Variants in POMT1 observed in about 807,000 individuals in gnomAD.
POMT1 encodes protein O-mannosyl-transferase 1.
A neutral mutation model predicts 101.6 loss-of-function variants in POMT1; 85 were observed. The observed-to-expected ratio is 0.84, with a 90% confidence interval of 0.70 to 1.00. The LOEUF (loss-of-function observed/expected upper bound fraction) is 1.00, where lower values mean the gene tolerates loss of function less well. Among genes scored for constraint, POMT1 ranks in the 50% least tolerant of loss-of-function variants. POMT1 has a pLI of 0.00. For synonymous variants in POMT1, 371 were observed against 383.0 expected, an observed-to-expected ratio of 0.97 and a Z score of 0.37; for missense variants, 857 against 930.4, an observed-to-expected ratio of 0.92 and a Z score of 1.03.
At chr9:131,504,541 T>A (rs1945295825) in intron 2 of POMT1, among the ~76,000 whole-genome samples, 2 of 151,972 alleles carry the variant, frequency 1.3e-5, no homozygotes, top group Non-Finnish European at 2.9e-5. Flanking sequence ...TCTGAGTCTG[T>A]AACAGGTGAA....
chr9:131,522,192 G>C lies in POMT1; in HGVS notation c.1971G>C (p.Val657=). 6.2e-7 allele frequency: 1 copy of C among 1,614,062 alleles called. No homozygotes were observed. The highest frequency in any genetic ancestry group is 8.5e-7 in the Non-Finnish European group (1 of 1,180,042). Residue 657 remains valine, a synonymous_variant, in exon 19 of 20, where the codon GTG becomes GTC. Coordinates refer to ENST00000402686, the MANE Select transcript of POMT1 (RefSeq NM_001077365.2). The surrounding 1 kb of genome is among the most constrained non-coding windows in gnomAD (Gnocchi z 5.5). ...CCTTCCAAATCCTTCTGCTCCCTGT[G>C]GTCCTGCAGCACATCAGCGACCACC... is the stretch of plus-strand genomic sequence containing the variant. The part of the protein sequence containing the change: ...ALTFQILLLP[V]VLQHISDHLC...
rs1164733103 is a variant in POMT1, at chr9:131,522,340, TCCTCCGGGTC to T, written c.2003+125_2003+134del. 2.0e-6 allele frequency: 3 copies of T among 1,533,470 alleles called. No homozygotes were observed. Among genetic ancestry groups the T allele is most frequent in the East Asian group, 4.8e-5 (2 of 41,416 alleles). 95.0% of individuals were successfully genotyped at this position (1,533,470 alleles called of 1,614,324 possible). The stretch of plus-strand genomic sequence containing the variant: ...TCACCCATTTCACGTTACACTGACA[TCCTCCGGGTC>T]CCTCCGGGGAATGGGTGAGGTTCAG... On this transcript the variant is annotated intron_variant, in intron 19 of 19. Coordinates refer to ENST00000402686, the MANE Select transcript of POMT1 (RefSeq NM_001077365.2). This position sits in a 1 kb window ranked among gnomAD's most constrained non-coding sequence, Gnocchi z 5.5.
intron 14 of POMT1, 117 bp from the exon 15 acceptor site, chr9:131,518,720 C>T (rs1272446820): frequency 3.2e-6 from 5 of 1,548,584 alleles, no homozygotes; most frequent in Non-Finnish European, 8.9e-7. Flanking sequence ...ATGTGAATCT[C>T]CCACAAGGGG....
rs3780259 is a variant in POMT1 at position 131,510,590 on chromosome 9, G to A, written c.855+175G>A. ...AGTCTTACTCTGTCACCCAAACTCC[G>A]CCTCCTGGCTTCAAGCGATTCTCCT... On this transcript the variant is annotated intron_variant, in intron 9 of 19. Coordinates refer to ENST00000402686, the MANE Select transcript of POMT1 (RefSeq NM_001077365.2). 0.93 allele frequency: 811,805 copies of A among 871,616 alleles called. 379,939 individuals are homozygous for A. Among genetic ancestry groups the A allele is most frequent in the South Asian group, 0.97 (63,138 of 65,036 alleles). 54.0% of individuals were successfully genotyped at this position (871,616 alleles called of 1,614,324 possible). A position where few individuals can be genotyped will look rare whatever the true frequency, so the allele number is the denominator to read the frequency against.
chr9:131,516,891 T>C (rs1390179548), intron 13 of POMT1: 1 of 152,242 alleles, frequency 6.6e-6, no homozygotes, highest in Admixed American at 6.5e-5. Context: ...GCGGGGGATG[T>C]TCCTGAGGCG....
rs376180150 is a variant in POMT1, at chr9:131,504,191, C to A, written c.-28C>A. The A allele has an allele frequency of 8.7e-6, 14 of 1,613,858 alleles. No homozygotes were observed. The highest frequency in any genetic ancestry group is 1.1e-5 in the Non-Finnish European group (13 of 1,179,942). ...ACGGCTCCTCCCTTCTTTTCTAGGGCGTCTGCCTGAGCCCGCTTTTCTACA... is the reference window on the plus strand; with the variant it reads ...ACGGCTCCTCCCTTCTTTTCTAGGGAGTCTGCCTGAGCCCGCTTTTCTACA... On this transcript the variant is annotated splice_region_variant and 5_prime_UTR_variant, in exon 2 of 20. Transcript: ENST00000402686.
At position 131,515,442 on chromosome 9, in the gene POMT1, C is replaced by T; in HGVS notation, c.1192C>T (p.Pro398Ser). The T allele has an allele frequency of 6.2e-7, 1 of 1,614,182 alleles. No homozygotes were observed. The highest frequency in any genetic ancestry group is 8.5e-7 in the Non-Finnish European group (1 of 1,180,020). Residue 398 changes from proline (P) to serine (S), a missense_variant, in exon 13 of 20, where the codon CCC (proline) becomes TCC (serine). Pro to Ser is a moderately conservative substitution (Grantham distance 74). Coordinates refer to ENST00000402686, the MANE Select transcript of POMT1 (RefSeq NM_001077365.2). ...RSLNTHDVAA[P>S]LSPHSQEVSC... is the part of the protein sequence containing the mutation. ...GTTTTCCAGGCATGATGTTGCAGCC[C>T]CCCTGAGCCCCCATTCACAGGAGGT...
At position 131,522,860 on chromosome 9, in the gene POMT1, T is replaced by A. The variant is rs1243350714; in HGVS notation, c.2004-72T>A. On this transcript the variant is annotated intron_variant, in intron 19 of 19. Transcript: ENST00000402686. The surrounding 1 kb of genome is among the most constrained non-coding windows in gnomAD (Gnocchi z 5.5). ...GGGGGGTGACCGTGTGGACAGCAGATGCCAAGAGGGTGCCGGGCAGGGAAG... is the reference window on the plus strand; with the variant it reads ...GGGGGGTGACCGTGTGGACAGCAGAAGCCAAGAGGGTGCCGGGCAGGGAAG... 2 of 1,454,034 alleles carry A rather than the reference T, an allele frequency of 1.4e-6. No homozygotes were observed. The highest frequency in any genetic ancestry group is 1.9e-6 in the Non-Finnish European group (2 of 1,072,600). The allele number at this position is 1,454,034 out of a possible 1,614,324, so 90.1% of individuals were successfully genotyped here. A position where few individuals can be genotyped will look rare whatever the true frequency, so the allele number is the denominator to read the frequency against.
rs141933812 is a variant in POMT1, at chr9:131,520,109, C to T, written c.1614C>T (p.Asp538=). 2.9e-5 allele frequency: 46 copies of T among 1,613,716 alleles called. No individual in the cohort carries two copies. In the African/African-American group the frequency reaches 5.9e-4, roughly 21 times the overall value. ...GGATGCTGGCGCTGAGAAGTGATGA[C>T]TCGGAACACAAGTACAGCTCCAGCC... is the stretch of plus-strand genomic sequence containing the variant. ...QWRMLALRSD[D]SEHKYSSSPL... is the part of the protein sequence containing the mutation. The change falls in exon 17 of 20, where the codon GAC becomes GAT. Residue 538 remains aspartate (D), a synonymous_variant. Coordinates refer to ENST00000402686, the MANE Select transcript of POMT1 (RefSeq NM_001077365.2).
In POMT1 at chr9:131,503,113, C is replaced by G. The variant is rs1314683976; in HGVS notation, c.-31+40C>G. 1 of 152,304 alleles carries G rather than the reference C, an allele frequency of 6.6e-6. No individual in the cohort carries two copies. Among genetic ancestry groups the G allele is most frequent in the Admixed American group, 6.5e-5 (1 of 15,288 alleles). 9.4% of individuals were successfully genotyped at this position (152,304 alleles called of 1,614,324 possible). On this transcript the variant is annotated intron_variant, in intron 1 of 19. Coordinates refer to ENST00000402686, the MANE Select transcript of POMT1 (RefSeq NM_001077365.2). The surrounding 1 kb of genome is among the most constrained non-coding windows in gnomAD (Gnocchi z 4.4). ...ACCGGGGACGAGAGCCCAGCCCGGA[C>G]TTGGGGGAGTCCGTCAGTGCCGGAC...
intron 13 of POMT1, among the ~76,000 whole-genome samples, chr9:131,517,666 T>TC (rs1316965948): frequency 1.3e-5 from 2 of 152,154 alleles, no homozygotes; most frequent in African/African-American, 4.8e-5. Flanking sequence ...TGCATTTCCA[T>TC]CCCCGCCCCC....
chr9:131,516,525 G>A (rs1049666665), intron 13 of POMT1: 3 of 154,272 alleles, frequency 1.9e-5, no homozygotes, highest in African/African-American at 7.2e-5. Context: ...ACCCAGTTGA[G>A]GTTGGATATT....
chr9:131,503,287 A>G lies in POMT1; in HGVS notation c.-31+214A>G, dbSNP rs1944970154. On this transcript the variant is annotated intron_variant, in intron 1 of 19. Coordinates refer to ENST00000402686, the MANE Select transcript of POMT1 (RefSeq NM_001077365.2). The surrounding 1 kb of genome is among the most constrained non-coding windows in gnomAD (Gnocchi z 4.4). ...GTGGCGCGTGCAGCCCTAGGGAGGAAGGGCGTGCTGCGGGTGCAGTCTCAG... is the reference window on the plus strand; with the variant it reads ...GTGGCGCGTGCAGCCCTAGGGAGGAGGGGCGTGCTGCGGGTGCAGTCTCAG... 1.3e-5 allele frequency: 2 copies of G among 152,652 alleles called. No homozygotes were observed. The highest frequency in any genetic ancestry group is 4.1e-4 in the South Asian group (2 of 4,850). 9.5% of individuals were successfully genotyped at this position (152,652 alleles called of 1,614,324 possible).
chr9:131,511,223 G>A, intron 9 of POMT1, 114 bp from the exon 10 acceptor site: 1 of 1,161,484 alleles, frequency 8.6e-7, no homozygotes, highest in Non-Finnish European at 1.2e-6. Flanking sequence ...ACTGTTACAA[G>A]AATGGCCACC....
chr9:131,508,600 G>A (rs1946387110), intron 5 of POMT1, among the ~76,000 whole-genome samples: 1 of 152,218 alleles, frequency 6.6e-6, no homozygotes, highest in Non-Finnish European at 1.5e-5. Flanking sequence ...TCAGGAGCCT[G>A]AGGCAGGAGG....
chr9:131,504,235 AGCGCCCT>A lies in POMT1; in HGVS notation c.19_25del (p.Arg7Ter). On this transcript the variant is annotated frameshift_variant, in exon 2 of 20. Transcript: ENST00000402686. LOFTEE classifies it high-confidence loss of function. The stretch of plus-strand genomic sequence containing the variant: ...TTCTACAAGATGTGGGGATTTTTGA[AGCGCCCT>A]GTAGTGGTGACGGCTGACATCAACT... 6.2e-7 allele frequency: 1 copy of A among 1,614,094 alleles called. No homozygotes were observed. Among genetic ancestry groups the A allele is most frequent in the Non-Finnish European group, 8.5e-7 (1 of 1,180,012 alleles).
intron 2 of POMT1, among the ~76,000 whole-genome samples, chr9:131,505,347 A>G (rs10793876): frequency 0.89 from 132,063 of 148,244 alleles, 59,403 homozygotes; most frequent in South Asian, 0.97. Context: ...CCCAGGCTGT[A>G]GTGCAATGGT....
At chr9:131,510,192 C>A in intron 8 of POMT1, 68 bp from the exon 9 acceptor site, 1 of 1,611,538 alleles carries the variant, frequency 6.2e-7, no homozygotes, top group South Asian at 1.1e-5. Flanking sequence ...TTTCTAAGCT[C>A]ACAATGTCTA....
At chr9:131,521,972 TA>T in intron 18 of POMT1, 74 bp from the exon 19 acceptor site, 5 of 1,603,650 alleles carry the variant, frequency 3.1e-6, no homozygotes, top group Admixed American at 1.7e-5. Context: ...ACCCTCTCTC[TA>T]AAAAAGCAAA....
Sources: gnomAD v4.1 joint callset for allele counts (sites outside exome capture counted in the v4.1 genomes callset) on GRCh38, gnomAD v4.1.1 for gene constraint, Gnocchi (gnomAD v3.1) non-coding constraint, MANE v1.5 for transcripts, NCBI Gene and HGNC (gene_info 2026-07-23, HGNC 2026-07-21) for gene names.